NOX4: variants seen among roughly 807,000 people sequenced by gnomAD.
The protein encoded by NOX4 is NADPH oxidase 4.
NOX4 carries 69 observed loss-of-function variants against 87.6 expected under a neutral mutation model. The ratio of observed to expected loss-of-function variants is 0.79; its 90% confidence interval spans 0.65 to 0.96. The LOEUF (loss-of-function observed/expected upper bound fraction) is 0.96. NOX4 is among the 40% of genes least tolerant of loss of function. NOX4 has a pLI of 0.00. For synonymous variants in NOX4, 275 were observed against 238.2 expected (o/e 1.15, Z -1.42); for missense variants, 680 against 681.5 (o/e 1.00, Z 0.02).
chr11:89,585,573 C>T, the NOX4 span, among the ~76,000 whole-genome samples: 1 of 152,110 alleles, frequency 6.6e-6, no homozygotes, highest in Non-Finnish European at 1.5e-5. Flanking sequence ...CAGCCACAGA[C>T]AATGTATAAA....
At chr11:89,564,134 C>T in the NOX4 span, among the ~76,000 whole-genome samples, 6 of 152,012 alleles carry the variant, frequency 3.9e-5, no homozygotes, top group Non-Finnish European at 7.4e-5. Flanking sequence ...TAGAATGCAC[C>T]GCATGTTTCC....
At chr11:89,368,566 G>A (rs1939194342) in intron 12 of NOX4, among the ~76,000 whole-genome samples, 1 of 152,062 alleles carries the variant, frequency 6.6e-6, no homozygotes, top group South Asian at 2.1e-4. Flanking sequence ...AAGAGCAGAA[G>A]AGAGTCAATC....
chr11:89,352,115 G>A lies in NOX4; in HGVS notation c.1217+2847C>T, dbSNP rs1165514353. 3.9e-5 allele frequency among the ~76,000 whole-genome samples: 6 copies of A among 152,238 alleles called. No individual in the cohort carries two copies. The East Asian group carries it at 5.8e-4, about 15-fold the overall frequency. On this transcript the variant is annotated intron_variant, in intron 13 of 17. Coordinates refer to ENST00000263317, the MANE Select transcript of NOX4 (RefSeq NM_016931.5). ...ACAGTGGAGACTTGAAAGGTTGCAG[G>A]GGGGCTAGGAAGTGGGTGAATAATG...
chr11:89,542,892 G>T, the NOX4 span, among the ~76,000 whole-genome samples: 7 of 152,262 alleles, frequency 4.6e-5, no homozygotes, highest in Admixed American at 1.3e-4. Flanking sequence ...AGGAAGATAG[G>T]GGATTTAAGA....
At chr11:89,522,593 AC>A in the NOX4 span, among the ~76,000 whole-genome samples, 1 of 152,164 alleles carries the variant, frequency 6.6e-6, no homozygotes, top group Non-Finnish European at 1.5e-5. Context: ...TCAACATCAT[AC>A]AATACACCCT....
the NOX4 span, among the ~76,000 whole-genome samples, chr11:89,542,385 C>T: frequency 5.7e-3 from 867 of 152,302 alleles, 8 homozygotes; most frequent in African/African-American, 0.02. Flanking sequence ...GCACTCTGCT[C>T]AACTAATTTA....
upstream of NOX4, among the ~76,000 whole-genome samples, chr11:89,496,580 T>TAA (rs58129167): frequency 1.2e-3 from 174 of 144,448 alleles, no homozygotes; most frequent in South Asian, 2.2e-3. Context: ...AATAGAGCTG[T>TAA]AAAAAAAAAA....
the NOX4 span, among the ~76,000 whole-genome samples, chr11:89,516,407 A>G: frequency 3.9e-5 from 6 of 152,222 alleles, no homozygotes; most frequent in South Asian, 2.1e-4. Context: ...GTCAAGGTAT[A>G]CTATCATCAG....
intron 7 of NOX4, among the ~76,000 whole-genome samples, chr11:89,427,695 G>A (rs1382729719): frequency 6.6e-6 from 1 of 152,162 alleles, no homozygotes; most frequent in Admixed American, 6.5e-5. Context: ...AATGAACAAA[G>A]CCTCCAAGAA....
chr11:89,327,122 C>T (rs1315682848), intron 17 of NOX4, among the ~76,000 whole-genome samples: 1 of 152,074 alleles, frequency 6.6e-6, no homozygotes, highest in Admixed American at 6.5e-5. Flanking sequence ...CACAAATATG[C>T]TTATTATCAG....
intron 8 of NOX4, 134 bp from the exon 9 acceptor site, chr11:89,402,676 C>T: frequency 1.1e-5 from 8 of 718,058 alleles, no homozygotes; most frequent in Non-Finnish European, 1.8e-5. Context: ...AAAAGTGTTC[C>T]TTATGTATTA....
intron 11 of NOX4, among the ~76,000 whole-genome samples, chr11:89,393,467 C>CGACA (rs1565231605): frequency 2.0e-5 from 3 of 152,052 alleles, no homozygotes. Flanking sequence ...TTCACCCACA[C>CGACA]GACAGATTTT....
intron 17 of NOX4, among the ~76,000 whole-genome samples, chr11:89,335,380 A>C (rs1945658039): frequency 6.6e-6 from 1 of 151,942 alleles, no homozygotes; most frequent in East Asian, 1.9e-4. Context: ...TAAAGACTGC[A>C]TATTACAATG....
the NOX4 span, among the ~76,000 whole-genome samples, chr11:89,511,657 T>G: frequency 2.0e-5 from 3 of 152,050 alleles, no homozygotes; most frequent in African/African-American, 7.2e-5. Context: ...ATATCAGATT[T>G]GGCCAACTCT....
chr11:89,480,946 G>C (rs614128), intron 2 of NOX4, among the ~76,000 whole-genome samples: 139,167 of 152,108 alleles, frequency 0.91, 63,803 homozygotes, highest in Non-Finnish European at 0.94. Flanking sequence ...TTCCACCCAA[G>C]AATCATAGCC....
chr11:89,541,897 G>A, the NOX4 span, among the ~76,000 whole-genome samples: 2 of 152,118 alleles, frequency 1.3e-5, no homozygotes, highest in Non-Finnish European at 2.9e-5. Flanking sequence ...AAGACTCACT[G>A]CAGCCTCAAG....
chr11:89,402,351 G>A lies in NOX4; in HGVS notation c.821C>T (p.Pro274Leu). 6.2e-7 allele frequency: 1 copy of A among 1,612,990 alleles called. No homozygotes were observed. The highest frequency in any genetic ancestry group is 8.5e-7 in the Non-Finnish European group (1 of 1,179,484). The change falls in exon 9 of 18, where the codon CCC (proline) becomes CTC (leucine). Residue 274 changes from proline (P) to leucine (L), a missense_variant. By Grantham distance (98) the Pro-to-Leu change is moderately conservative. Coordinates refer to ENST00000263317, the MANE Select transcript of NOX4 (RefSeq NM_016931.5). ...CTGTGGAAAATTAGCTTGGAATCTG[G>A]GCTCTTCCATACAAATCTTCACAAA... The part of the protein sequence containing the change: ...HKFVKICMEE[P>L]RFQANFPQTW...
At chr11:89,412,762 G>T (rs1003249562) in intron 8 of NOX4, among the ~76,000 whole-genome samples, 6 of 151,970 alleles carry the variant, frequency 3.9e-5, no homozygotes, top group South Asian at 2.1e-4. Context: ...CCAGGACATT[G>T]GACTGGGCAA....
intron 2 of NOX4, among the ~76,000 whole-genome samples, chr11:89,466,370 G>T (rs77800500): frequency 1.7e-3 from 264 of 152,090 alleles, no homozygotes; most frequent in African/African-American, 6.1e-3. Context: ...TAATTGAGAG[G>T]GATACAATTT....
Sources: allele counts gnomAD v4.1 joint callset (sites outside exome capture counted in the v4.1 genomes callset), GRCh38; gene constraint gnomAD v4.1.1; transcripts MANE v1.5; gene names NCBI Gene and HGNC (gene_info 2026-07-23, HGNC 2026-07-21).